The following SNX25 variants were observed in gnomAD, a reference collection of about 807,000 sequenced individuals.
The protein encoded by SNX25 is sorting nexin 25.
SNX25 carries 62 observed loss-of-function variants against 113.7 expected under a neutral mutation model. The observed-to-expected ratio is 0.55, with a 90% CI of 0.44 to 0.67. The LOEUF (loss-of-function observed/expected upper bound fraction) is 0.67, where lower values mean the gene tolerates loss of function less well. Ranked by LOEUF, SNX25 falls within the 30% of genes least tolerant of loss-of-function variation. The pLI is 0.00. For missense variants in SNX25, 1,014 were observed against 1,161.0 expected (o/e 0.87, Z 1.84); for synonymous variants, 421 against 436.2 (o/e 0.97, Z 0.43).
At chr4:185,206,680 AAAG>A (rs1490453702), upstream of SNX25, among the ~76,000 whole-genome samples, 9 of 151,490 alleles carry the variant, frequency 5.9e-5, no homozygotes, top group African/African-American at 2.2e-4. Flanking sequence ...AAAAAAAAAA[AAAG>A]AATGGAAGAT....
intron 13 of SNX25, among the ~76,000 whole-genome samples, chr4:185,350,880 A>G (rs2095311760): frequency 6.6e-6 from 1 of 152,058 alleles, no homozygotes; most frequent in East Asian, 1.9e-4. Flanking sequence ...AGAAAAGAAA[A>G]GAAATTGTTA....
At chr4:185,304,870 C>T (rs114379015) in intron 6 of SNX25, among the ~76,000 whole-genome samples, 1,587 of 152,284 alleles carry the variant, frequency 0.01, 29 homozygotes, top group African/African-American at 0.035. Context: ...GGAGAACCAG[C>T]ATTTTCTAGG....
chr4:185,371,146 A>AT, downstream of SNX25: 1 of 207,634 alleles, frequency 4.8e-6, no homozygotes, highest in Non-Finnish European at 9.9e-6. Flanking sequence ...AGAAGAAAGC[A>AT]TTTTCTATTT....
chr4:185,282,121 C>A (rs2126593499), intron 5 of SNX25, among the ~76,000 whole-genome samples: 1 of 152,220 alleles, frequency 6.6e-6, no homozygotes, highest in Admixed American at 6.5e-5. Context: ...GTGTTTTAAA[C>A]CATTTATCAC....
chr4:185,206,825 A>G (rs1021843221), upstream of SNX25, among the ~76,000 whole-genome samples: 28 of 152,312 alleles, frequency 1.8e-4, no homozygotes, highest in African/African-American at 5.8e-4. Context: ...CGCCGGCTGG[A>G]GAGCCTGGAA....
intron 2 of SNX25, among the ~76,000 whole-genome samples, chr4:185,249,466 T>C (rs1476709033): frequency 6.6e-6 from 1 of 152,162 alleles, no homozygotes; most frequent in Non-Finnish European, 1.5e-5. Flanking sequence ...TTTTTAAACT[T>C]ATAATTTATT....
intron 7 of SNX25, among the ~76,000 whole-genome samples, chr4:185,317,513 C>T (rs1170775932): frequency 2.0e-5 from 3 of 152,180 alleles, no homozygotes; most frequent in African/African-American, 7.2e-5. Context: ...TGTAAAGACA[C>T]ATGCACTTGT....
rs1180082863 is a variant in SNX25, at chr4:185,209,960, C to G, written c.134C>G (p.Ala45Gly). Residue 45 changes from alanine to glycine, a missense_variant, in exon 1 of 19, where the codon GCA becomes GGA. Transcript: ENST00000652585. The surrounding 1 kb of genome is among the most constrained non-coding windows in gnomAD (Gnocchi z 5.2). Reference sequence around the variant, plus strand: ...TCCCCGGGGGACGCGGAGGCAGCAGCAGCGGCGGCGCCGGGGGCCCCGGGC... The same window carrying G: ...TCCCCGGGGGACGCGGAGGCAGCAGGAGCGGCGGCGCCGGGGGCCCCGGGC... ...PESPGDAEAA[A>G]AAAPGAPGGR... 2.0e-6 allele frequency: 2 copies of G among 983,474 alleles called. No individual in the cohort carries two copies. Among genetic ancestry groups the G allele is most frequent in the Non-Finnish European group, 2.4e-6 (2 of 829,164 alleles). 60.9% of individuals were successfully genotyped at this position (983,474 alleles called of 1,614,324 possible).
In SNX25 at chr4:185,215,153, C is replaced by A. The variant is rs529935493; in HGVS notation, c.429+4898C>A. On this transcript the variant is annotated intron_variant, in intron 1 of 18. Coordinates refer to ENST00000652585, the MANE Select transcript of SNX25 (RefSeq NM_001378034.2). ...CTGAGGCAGGAGAATGGCGTGAACC[C>A]GGGAGGCGGAGCTTGCAGTGAGCCG... Among the ~76,000 whole-genome samples the A allele has an allele frequency of 2.6e-5, 4 of 152,002 alleles. No individual in the cohort carries two copies. In the South Asian group the frequency reaches 8.3e-4, roughly 32 times the overall value.
At chr4:185,371,563 A>T (rs63032061), downstream of SNX25, among the ~76,000 whole-genome samples, 1 of 128,364 alleles carries the variant, frequency 7.8e-6, no homozygotes, top group Non-Finnish European at 1.7e-5. Flanking sequence ...AAAAAAAAAA[A>T]GGATAATGGA....
At chr4:185,300,294 G>A (rs952050838) in intron 6 of SNX25, among the ~76,000 whole-genome samples, 3 of 151,600 alleles carry the variant, frequency 2.0e-5, no homozygotes, top group Non-Finnish European at 4.4e-5. Context: ...AAGTAGCTGG[G>A]ATTACAGGCG....
At chr4:185,359,801 A>G (rs1405557841) in intron 16 of SNX25, among the ~76,000 whole-genome samples, 2 of 152,206 alleles carry the variant, frequency 1.3e-5, no homozygotes, top group Non-Finnish European at 2.9e-5. Flanking sequence ...ATTGGCTGTT[A>G]ATTATAAAAT....
At chr4:185,250,304 G>A (rs1037042008) in intron 2 of SNX25, among the ~76,000 whole-genome samples, 1 of 152,170 alleles carries the variant, frequency 6.6e-6, no homozygotes, top group African/African-American at 2.4e-5. Context: ...TGTCTCCCTG[G>A]TGGACAGTAG....
chr4:185,368,240 C>G (rs976710266), downstream of SNX25, among the ~76,000 whole-genome samples: 10 of 152,180 alleles, frequency 6.6e-5, no homozygotes, highest in African/African-American at 2.4e-4. Context: ...CCAGAATCCT[C>G]GAAGGGTCCT....
chr4:185,318,353 C>T (rs867143535), intron 7 of SNX25, among the ~76,000 whole-genome samples: 2 of 152,128 alleles, frequency 1.3e-5, no homozygotes, highest in Admixed American at 6.5e-5. Flanking sequence ...TTCATTGTCA[C>T]GAATTATTAT....
rs1041406909 is a variant in SNX25, at chr4:185,264,345, T to C, written c.732-93T>C. The C allele has an allele frequency of 6.7e-6, 8 of 1,196,342 alleles. No individual in the cohort carries two copies. In the African/African-American group the frequency reaches 7.6e-5, roughly 11 times the overall value. 74.1% of individuals were successfully genotyped at this position (1,196,342 alleles called of 1,614,324 possible). On this transcript the variant is annotated intron_variant, in intron 3 of 18. Coordinates refer to ENST00000652585, the MANE Select transcript of SNX25 (RefSeq NM_001378034.2). ...AGGAGATGGCAGTTACTATAACCAATGTGTTTCTCATTTGAAATATTTTTT... is the reference window on the plus strand; with the variant it reads ...AGGAGATGGCAGTTACTATAACCAACGTGTTTCTCATTTGAAATATTTTTT...
At chr4:185,237,892 G>A (rs372275856) in intron 1 of SNX25, among the ~76,000 whole-genome samples, 105 of 151,326 alleles carry the variant, frequency 6.9e-4, no homozygotes, top group African/African-American at 2.3e-3. Context: ...GAGAAACCCC[G>A]TCTCTACTAT....
intron 2 of SNX25, among the ~76,000 whole-genome samples, chr4:185,251,616 TGTGTGTG>T (rs2126499421): frequency 1.2e-5 from 1 of 82,528 alleles, no homozygotes; most frequent in South Asian, 4.8e-4. Context: ...TGTGTGTGTG[TGTGTGTG>T]TGTGTGTGTG....
chr4:185,238,964 A>C (rs1387141584), intron 1 of SNX25, among the ~76,000 whole-genome samples: 3 of 152,002 alleles, frequency 2.0e-5, no homozygotes, highest in African/African-American at 7.3e-5. Context: ...GGAGTTCCTG[A>C]TTGTTCAGTT....
Sources: gnomAD v4.1 joint callset for allele counts (sites outside exome capture counted in the v4.1 genomes callset) on GRCh38, gnomAD v4.1.1 for gene constraint, Gnocchi (gnomAD v3.1) non-coding constraint, MANE v1.5 for transcripts, NCBI Gene and HGNC (gene_info 2026-07-23, HGNC 2026-07-21) for gene names.